NPAS3: variants seen among roughly 807,000 people sequenced by gnomAD.
NPAS3 encodes the protein neuronal PAS domain-containing protein 3.
Under a neutral mutation model 73.1 loss-of-function variants are expected in NPAS3, and 14 were observed. The observed-to-expected ratio is 0.19, with a 90% CI of 0.13 to 0.30. The LOEUF (loss-of-function observed/expected upper bound fraction) is 0.30, where lower values mean the gene tolerates loss of function less well. Among genes scored for constraint, NPAS3 ranks in the 10% least tolerant of loss-of-function variants. The probability of loss-of-function intolerance (pLI) is 1.00; values close to 1 mark genes in which losing one functional copy is unlikely to be tolerated. For synonymous variants in NPAS3, 620 were observed against 541.5 expected, an observed-to-expected ratio of 1.14 and a Z score of -2.01; for missense variants, 1,096 against 1,250.0, an observed-to-expected ratio of 0.88 and a Z score of 1.86.
chr14:33,246,899 A>G (rs2139864001), intron 3 of NPAS3, among the ~76,000 whole-genome samples: 2 of 145,554 alleles, frequency 1.4e-5, no homozygotes, highest in South Asian at 2.2e-4. Context: ...CTGTAATCCC[A>G]GCTACTTGGG....
intron 2 of NPAS3, among the ~76,000 whole-genome samples, chr14:33,202,703 A>G (rs1318747841): frequency 9.3e-6 from 1 of 107,652 alleles, no homozygotes; most frequent in Non-Finnish European, 1.8e-5. Flanking sequence ...GCAAATATTC[A>G]TGTCTTTTTT....
intron 1 of NPAS3, among the ~76,000 whole-genome samples, chr14:33,040,025 C>G (rs1012630140): frequency 1.3e-5 from 2 of 152,184 alleles, no homozygotes; most frequent in African/African-American, 2.4e-5. Context: ...AGGCCTCCCT[C>G]AAGAAAAGGC....
chr14:32,960,330 G>A (rs2036857877), intron 1 of NPAS3, among the ~76,000 whole-genome samples: 1 of 152,012 alleles, frequency 6.6e-6, no homozygotes, highest in South Asian at 2.1e-4. Flanking sequence ...TCTTATGTTT[G>A]TATCCTTGAA....
chr14:33,359,877 A>G (rs1278243971), intron 3 of NPAS3, among the ~76,000 whole-genome samples: 1 of 152,234 alleles, frequency 6.6e-6, no homozygotes, highest in African/African-American at 2.4e-5. Context: ...CCTGCCTGAC[A>G]TACATGCAGT....
chr14:33,033,244 C>T (rs545465404), intron 1 of NPAS3, among the ~76,000 whole-genome samples: 8 of 152,148 alleles, frequency 5.3e-5, no homozygotes, highest in South Asian at 2.1e-4. Context: ...TTTGGAAGGC[C>T]GAGGCAGGTG....
chr14:33,408,691 A>G (rs1179445595), intron 4 of NPAS3, among the ~76,000 whole-genome samples: 1 of 152,182 alleles, frequency 6.6e-6, no homozygotes, highest in African/African-American at 2.4e-5. Context: ...TTTTCTGGGC[A>G]CTGTCCCATA....
intron 1 of NPAS3, among the ~76,000 whole-genome samples, chr14:33,053,525 A>G (rs2138514833): frequency 6.6e-6 from 1 of 152,368 alleles, no homozygotes; most frequent in East Asian, 1.9e-4. Context: ...ATTGAAAGGC[A>G]TATTTGAACT....
chr14:33,505,535 A>C (rs1249862023), intron 4 of NPAS3, among the ~76,000 whole-genome samples: 1 of 152,012 alleles, frequency 6.6e-6, no homozygotes, highest in Non-Finnish European at 1.5e-5. Context: ...TCAGGAGCCC[A>C]TCTGCACTCC....
At chr14:33,141,917 C>G (rs565761066) in intron 2 of NPAS3, among the ~76,000 whole-genome samples, 1 of 152,154 alleles carries the variant, frequency 6.6e-6, no homozygotes, top group Admixed American at 6.5e-5. Flanking sequence ...TTCGCCACAC[C>G]TTTGTCAACA....
At chr14:33,067,552 G>T (rs1024824745) in intron 2 of NPAS3, among the ~76,000 whole-genome samples, 4 of 152,184 alleles carry the variant, frequency 2.6e-5, no homozygotes, top group South Asian at 4.1e-4. Flanking sequence ...ATCTCCACAT[G>T]TAATGACCAA....
chr14:33,162,501 A>G (rs547864552), intron 2 of NPAS3, among the ~76,000 whole-genome samples: 1 of 152,212 alleles, frequency 6.6e-6, no homozygotes, highest in Non-Finnish European at 1.5e-5. Flanking sequence ...AAAGCTAAAT[A>G]CAATTTATTA....
intron 1 of NPAS3, among the ~76,000 whole-genome samples, chr14:32,998,254 T>C (rs1044422171): frequency 3.9e-5 from 6 of 152,206 alleles, no homozygotes; most frequent in Non-Finnish European, 8.8e-5. Context: ...GAAACCACGC[T>C]AAGTGAAAGA....
intron 3 of NPAS3, among the ~76,000 whole-genome samples, chr14:33,216,318 G>A (rs373606657): frequency 1.3e-5 from 2 of 152,216 alleles, no homozygotes; most frequent in African/African-American, 4.8e-5. Flanking sequence ...GTTACATCTT[G>A]CCAACTACCT....
intron 4 of NPAS3, among the ~76,000 whole-genome samples, chr14:33,370,755 T>G (rs373491296): frequency 1.3e-5 from 2 of 152,166 alleles, no homozygotes; most frequent in East Asian, 1.9e-4. Context: ...GGAATTGAGA[T>G]AGAATCATTA....
At chr14:33,603,277 G>T (rs755455661) in intron 5 of NPAS3, among the ~76,000 whole-genome samples, 2 of 152,102 alleles carry the variant, frequency 1.3e-5, no homozygotes, top group African/African-American at 2.4e-5. Flanking sequence ...AAACATACCA[G>T]TAGAAACTAT....
intron 1 of NPAS3, among the ~76,000 whole-genome samples, chr14:33,017,366 G>A (rs150966286): frequency 9.9e-5 from 15 of 152,206 alleles, no homozygotes; most frequent in African/African-American, 3.4e-4. Flanking sequence ...AATTCCCAGG[G>A]CATAGTGTAT....
At chr14:33,568,354 C>G (rs990061961) in intron 5 of NPAS3, among the ~76,000 whole-genome samples, 1 of 152,126 alleles carries the variant, frequency 6.6e-6, no homozygotes, top group African/African-American at 2.4e-5. Context: ...TTCTGGAAAG[C>G]AATATGCATT....
At chr14:32,938,114 T>G (rs976242531), upstream of NPAS3, among the ~76,000 whole-genome samples, 1 of 151,918 alleles carries the variant, frequency 6.6e-6, no homozygotes, top group Non-Finnish European at 1.5e-5. Flanking sequence ...AACCCTGGGG[T>G]CTGCACTCCT....
chr14:33,435,120 A>G (rs2048935433), intron 4 of NPAS3, among the ~76,000 whole-genome samples: 1 of 152,268 alleles, frequency 6.6e-6, no homozygotes, highest in South Asian at 2.1e-4. Flanking sequence ...GTTTCTACTC[A>G]TCAAACACAT....
Sources: gnomAD v4.1 joint callset for allele counts (sites outside exome capture counted in the v4.1 genomes callset) on GRCh38, gnomAD v4.1.1 for gene constraint, MANE v1.5 for transcripts, NCBI Gene and HGNC (gene_info 2026-07-23, HGNC 2026-07-21) for gene names.